The following DLGAP1 variants were observed in gnomAD, a reference collection of about 807,000 sequenced individuals.
The protein encoded by DLGAP1 is DLG associated protein 1, also known as disks large-associated protein 1.
A neutral mutation model predicts 90.8 loss-of-function variants in DLGAP1; 11 were observed. The observed-to-expected ratio is 0.12, with a 90% CI of 0.08 to 0.20. DLGAP1 has a LOEUF of 0.20. Ranked by LOEUF, DLGAP1 falls within the 10% of genes least tolerant of loss-of-function variation. DLGAP1 has a pLI of 1.00. For synonymous variants in DLGAP1, 558 were observed against 540.7 expected, an observed-to-expected ratio of 1.03 and a Z score of -0.44; for missense variants, 1,050 against 1,333.8, an observed-to-expected ratio of 0.79 and a Z score of 3.31.
chr18:4,307,079 A>C (rs1568503961), intron 1 of DLGAP1, among the ~76,000 whole-genome samples: 1 of 152,218 alleles, frequency 6.6e-6, no homozygotes, highest in Admixed American at 6.5e-5. Context: ...CATACCTGGG[A>C]AATTTCAGAT....
chr18:4,017,982 C>A (rs1599333567), intron 2 of DLGAP1, among the ~76,000 whole-genome samples: 1 of 152,256 alleles, frequency 6.6e-6, no homozygotes, highest in Non-Finnish European at 1.5e-5. Flanking sequence ...TTATCACTCT[C>A]TTTAAGTATA....
intron 3 of DLGAP1, among the ~76,000 whole-genome samples, chr18:3,924,221 G>T (rs1156620926): frequency 6.6e-6 from 1 of 152,210 alleles, no homozygotes; most frequent in Non-Finnish European, 1.5e-5. Context: ...CCAGTGGAAA[G>T]AAGTGAAAAG....
intron 7 of DLGAP1, among the ~76,000 whole-genome samples, chr18:3,671,507 G>A (rs1247997464): frequency 6.6e-6 from 1 of 152,178 alleles, no homozygotes. Flanking sequence ...AGTTCCACCT[G>A]ACTCTTAAAT....
chr18:3,677,783 C>A (rs746481442), intron 7 of DLGAP1, among the ~76,000 whole-genome samples: 5 of 151,934 alleles, frequency 3.3e-5, no homozygotes, highest in Non-Finnish European at 5.9e-5. Context: ...CTCAGCCTCC[C>A]AAGTAGCTGG....
chr18:4,328,043 C>CTT lies in DLGAP1; in HGVS notation c.-267+126961_-267+126962dup, dbSNP rs1234202634. On this transcript the variant is annotated intron_variant, in intron 1 of 12. Transcript: ENST00000315677. ...GCAACTACCATCTCTTATCTATTTT[C>CTT]TTAAGAGCTCATTTATCTTTCCAAA... 7.4e-3 allele frequency among the ~76,000 whole-genome samples: 1,130 copies of CTT among 151,966 alleles called. 17 individuals are homozygous for CTT. Among genetic ancestry groups the CTT allele is most frequent in the African/African-American group, 0.026 (1,070 of 41,500 alleles).
chr18:4,016,999 C>T (rs529576973), intron 2 of DLGAP1, among the ~76,000 whole-genome samples: 2 of 152,144 alleles, frequency 1.3e-5, no homozygotes, highest in Non-Finnish European at 2.9e-5. Flanking sequence ...ACCTTTCAGC[C>T]CCTCATCTCC....
At chr18:3,561,771 C>T (rs921582266) in intron 9 of DLGAP1, among the ~76,000 whole-genome samples, 6 of 150,814 alleles carry the variant, frequency 4.0e-5, no homozygotes, top group Admixed American at 3.9e-4. Flanking sequence ...GACTAAGCCT[C>T]GCTATGTTGC....
chr18:4,223,753 C>CT (rs2144991394), intron 1 of DLGAP1, among the ~76,000 whole-genome samples: 1 of 152,198 alleles, frequency 6.6e-6, no homozygotes, highest in African/African-American at 2.4e-5. Context: ...GTCAGACTCA[C>CT]TTTTTTCAGA....
intron 1 of DLGAP1, among the ~76,000 whole-genome samples, chr18:4,261,173 GGAGA>G (rs935296113): frequency 2.0e-5 from 3 of 152,124 alleles, no homozygotes; most frequent in African/African-American, 7.2e-5. Context: ...ATGTCACAGA[GGAGA>G]GAGAGAAAGA....
intron 7 of DLGAP1, among the ~76,000 whole-genome samples, chr18:3,647,631 A>G (rs1285681556): frequency 3.3e-5 from 5 of 151,448 alleles, no homozygotes; most frequent in African/African-American, 1.2e-4. Context: ...ACGCCTGGCT[A>G]ATTTTTGTAT....
At chr18:3,579,882 T>G (rs955705180) in intron 8 of DLGAP1, among the ~76,000 whole-genome samples, 1 of 152,238 alleles carries the variant, frequency 6.6e-6, no homozygotes, top group African/African-American at 2.4e-5. Flanking sequence ...TGTCAGTCAC[T>G]TTGGTCTTGC....
chr18:4,421,213 A>C (rs1193552897), intron 1 of DLGAP1, among the ~76,000 whole-genome samples: 2 of 152,056 alleles, frequency 1.3e-5, no homozygotes, highest in African/African-American at 4.8e-5. Context: ...TGCCTTTTCC[A>C]GCTCTGGTGG....
intron 4 of DLGAP1, among the ~76,000 whole-genome samples, chr18:3,835,728 T>C (rs1164510827): frequency 6.6e-6 from 1 of 151,928 alleles, no homozygotes; most frequent in Non-Finnish European, 1.5e-5. Flanking sequence ...AATCATTGCA[T>C]ATATGAGGGC....
intron 7 of DLGAP1, among the ~76,000 whole-genome samples, chr18:3,719,158 G>A (rs976183469): frequency 6.6e-6 from 1 of 152,046 alleles, no homozygotes. Context: ...GGGAGGTAAG[G>A]TTTCTATACT....
chr18:4,076,020 C>T (rs77629876), intron 2 of DLGAP1, among the ~76,000 whole-genome samples: 11,841 of 152,156 alleles, frequency 0.078, 588 homozygotes, highest in East Asian at 0.17. Context: ...CTCCCTTTCT[C>T]GCTCTCTGTC....
At chr18:3,901,901 A>G (rs1326269274) in intron 3 of DLGAP1, among the ~76,000 whole-genome samples, 1 of 152,032 alleles carries the variant, frequency 6.6e-6, no homozygotes, top group Non-Finnish European at 1.5e-5. Flanking sequence ...TGGCCAACAG[A>G]CCCCTAAGGT....
chr18:4,353,772 CTG>C (rs1288609430), intron 1 of DLGAP1, among the ~76,000 whole-genome samples: 11 of 151,790 alleles, frequency 7.2e-5, no homozygotes, highest in African/African-American at 2.4e-4. Flanking sequence ...TTCCTCCACT[CTG>C]TTTTTCAAGG....
chr18:4,363,266 C>A (rs1350108985), intron 1 of DLGAP1, among the ~76,000 whole-genome samples: 1 of 152,152 alleles, frequency 6.6e-6, no homozygotes, highest in Non-Finnish European at 1.5e-5. Flanking sequence ...TCCCTGATTG[C>A]ATGTGAGTGC....
intron 4 of DLGAP1, among the ~76,000 whole-genome samples, chr18:3,820,297 C>A (rs997160565): frequency 6.6e-6 from 1 of 152,052 alleles, no homozygotes; most frequent in Non-Finnish European, 1.5e-5. Context: ...CAGGCCTGTG[C>A]GATTCTGTGA....
Sources: gnomAD v4.1 joint callset for allele counts (sites outside exome capture counted in the v4.1 genomes callset) on GRCh38, gnomAD v4.1.1 for gene constraint, MANE v1.5 for transcripts, NCBI Gene and HGNC (gene_info 2026-07-23, HGNC 2026-07-21) for gene names.